The following TSPAN8 variants were observed in gnomAD, a reference collection of about 807,000 sequenced individuals.
TSPAN8 encodes tetraspanin-8.
TSPAN8 carries 21 observed loss-of-function variants against 32.8 expected under a neutral mutation model. That is an observed-to-expected ratio of 0.64 (90% CI 0.45 to 0.92). TSPAN8 has a LOEUF of 0.92. Ranked by LOEUF, TSPAN8 falls within the 40% of genes least tolerant of loss-of-function variation. The pLI, the probability that TSPAN8 is intolerant of heterozygous loss-of-function variation, is 0.00. For synonymous variants in TSPAN8, 95 were observed against 94.6 expected, an observed-to-expected ratio of 1.00 and a Z score of -0.03; for missense variants, 269 against 281.9, an observed-to-expected ratio of 0.95 and a Z score of 0.33.
At chr12:71,149,624 A>G (rs1872184624) in intron 2 of TSPAN8, among the ~76,000 whole-genome samples, 1 of 152,262 alleles carries the variant, frequency 6.6e-6, no homozygotes, top group South Asian at 2.1e-4. Flanking sequence ...ATAAATTGTG[A>G]AGATTTCATG....
intron 7 of TSPAN8, among the ~76,000 whole-genome samples, chr12:71,131,319 A>G (rs1453781466): frequency 6.6e-6 from 1 of 152,104 alleles, no homozygotes; most frequent in African/African-American, 2.4e-5. Context: ...GTAGTCTGGT[A>G]GATTATTTAT....
intron 3 of TSPAN8, among the ~76,000 whole-genome samples, chr12:71,141,127 G>A (rs906324676): frequency 8.5e-5 from 13 of 152,166 alleles, no homozygotes; most frequent in African/African-American, 3.1e-4. Context: ...TCCTGGAACA[G>A]TCACCCAACC....
intron 2 of TSPAN8, among the ~76,000 whole-genome samples, chr12:71,152,949 C>T (rs917765991): frequency 1.3e-5 from 2 of 152,218 alleles, no homozygotes; most frequent in African/African-American, 4.8e-5. Context: ...AGACTTCTTT[C>T]TGCGCTCTTC....
intron 2 of TSPAN8, among the ~76,000 whole-genome samples, chr12:71,150,359 TC>T (rs1872212725): frequency 6.6e-6 from 1 of 152,194 alleles, no homozygotes; most frequent in African/African-American, 2.4e-5. Context: ...TTGTCCTGTT[TC>T]CTCAGAAGCA....
chr12:71,152,862 T>G (rs1431442400), intron 2 of TSPAN8, among the ~76,000 whole-genome samples: 1 of 152,224 alleles, frequency 6.6e-6, no homozygotes, highest in Non-Finnish European at 1.5e-5. Flanking sequence ...ATCTTTTAAT[T>G]GCTCTCAGCA....
Position 71,132,807 on chromosome 12 carries a change from C to A in TSPAN8, c.462G>T (p.Leu154Phe). ...VFQEEFKCCG[L>F]VNGAADWGNN... Reference sequence around the variant, plus strand: ...TTCCCCAATCAGCAGCTCCATTGACCAAACCGCAGCATTTAAACTGTTTGA... The same window carrying A: ...TTCCCCAATCAGCAGCTCCATTGACAAAACCGCAGCATTTAAACTGTTTGA... The change falls in exon 7 of 9, where the codon TTG (leucine) becomes TTT (phenylalanine). Residue 154 changes from leucine (L) to phenylalanine (F), a missense_variant. Coordinates refer to ENST00000247829, the MANE Select transcript of TSPAN8 (RefSeq NM_004616.3). 6.2e-7 allele frequency: 1 copy of A among 1,613,834 alleles called. No homozygotes were observed. Among genetic ancestry groups the A allele is most frequent in the Non-Finnish European group, 8.5e-7 (1 of 1,179,928 alleles).
intron 6 of TSPAN8, among the ~76,000 whole-genome samples, chr12:71,135,375 G>A (rs1355176052): frequency 4.2e-5 from 6 of 144,334 alleles, no homozygotes; most frequent in Non-Finnish European, 6.1e-5. Context: ...GAAGAAGGAG[G>A]AGGAGGAGGA....
intron 3 of TSPAN8, among the ~76,000 whole-genome samples, chr12:71,140,751 G>T (rs561814723): frequency 2.4e-4 from 36 of 152,270 alleles, no homozygotes; most frequent in Non-Finnish European, 4.9e-4. Flanking sequence ...TTATCCAGAA[G>T]TAAATCACAA....
At chr12:71,126,981 T>G (rs10879261) in intron 8 of TSPAN8, among the ~76,000 whole-genome samples, 50,500 of 151,892 alleles carry the variant, frequency 0.33, 8,969 homozygotes, top group Non-Finnish European at 0.41. Context: ...AGTCTTAACA[T>G]AGCTTTGAAA....
At chr12:71,136,281 C>A (rs1871695223) in intron 6 of TSPAN8, among the ~76,000 whole-genome samples, 1 of 152,100 alleles carries the variant, frequency 6.6e-6, no homozygotes, top group Admixed American at 6.6e-5. Flanking sequence ...CCTAGGGAGG[C>A]AGATTTTGTT....
chr12:71,125,267 A>T lies in TSPAN8; in HGVS notation c.*67T>A. 1.4e-6 allele frequency: 2 copies of T among 1,440,310 alleles called. No individual in the cohort carries two copies. The highest frequency in any genetic ancestry group is 1.9e-6 in the Non-Finnish European group (2 of 1,043,274). 89.2% of individuals were successfully genotyped at this position (1,440,310 alleles called of 1,614,324 possible). A position where few individuals can be genotyped will look rare whatever the true frequency, so the allele number is the denominator to read the frequency against. ...TGACTTATATAGCACTTACATATTT[A>T]AATTTACAAAGCCAAAGCAACATTT... is the stretch of plus-strand genomic sequence containing the variant. On this transcript the variant is annotated 3_prime_UTR_variant, in exon 9 of 9. Transcript: ENST00000247829.
chr12:71,134,046 G>A (rs1055274465), intron 6 of TSPAN8, among the ~76,000 whole-genome samples: 18 of 152,116 alleles, frequency 1.2e-4, no homozygotes, highest in Non-Finnish European at 2.5e-4. Context: ...TAATAAATGT[G>A]TAATAAAATC....
intron 2 of TSPAN8, among the ~76,000 whole-genome samples, chr12:71,147,532 A>T (rs1872114790): frequency 1.3e-5 from 2 of 152,218 alleles, no homozygotes; most frequent in Admixed American, 6.5e-5. Context: ...TGTTTTTATG[A>T]TAAACACAGA....
intron 2 of TSPAN8, among the ~76,000 whole-genome samples, chr12:71,153,482 C>T (rs1415433027): frequency 1.3e-5 from 2 of 152,218 alleles, no homozygotes; most frequent in African/African-American, 4.8e-5. Flanking sequence ...TAAATGACCA[C>T]ATGCATATCT....
intron 8 of TSPAN8, among the ~76,000 whole-genome samples, chr12:71,126,073 G>A (rs980766920): frequency 5.3e-5 from 8 of 152,044 alleles, no homozygotes; most frequent in Non-Finnish European, 1.2e-4. Context: ...TATCTTTGAC[G>A]TAGAAATGAT....
chr12:71,137,944 T>C lies in TSPAN8; in HGVS notation c.444+9A>G, dbSNP rs1871756729. 4 of 1,606,728 alleles carry C rather than the reference T, an allele frequency of 2.5e-6. No individual in the cohort carries two copies. Among genetic ancestry groups the C allele is most frequent in the Non-Finnish European group, 3.4e-6 (4 of 1,176,830 alleles). On this transcript the variant is annotated intron_variant, in intron 6 of 8. Transcript: ENST00000247829. ...CAACTCTTTAAAATGAACAATGAATTCTAATTACCTCTTCTTGAAACACAA... is the reference window on the plus strand; with the variant it reads ...CAACTCTTTAAAATGAACAATGAATCCTAATTACCTCTTCTTGAAACACAA...
intron 2 of TSPAN8, among the ~76,000 whole-genome samples, chr12:71,155,375 A>AT (rs1259535392): frequency 2.0e-5 from 3 of 152,208 alleles, no homozygotes; most frequent in Admixed American, 6.5e-5. Context: ...TGAAAAAAAA[A>AT]GGACCTTGAA....
intron 2 of TSPAN8, among the ~76,000 whole-genome samples, chr12:71,145,195 T>C (rs533187015): frequency 4.1e-4 from 62 of 152,062 alleles, no homozygotes; most frequent in Non-Finnish European, 6.9e-4. Context: ...TGGCTTCTCA[T>C]TGAGTTTGCA....
At chr12:71,133,056 G>T (rs1414688854) in intron 6 of TSPAN8, among the ~76,000 whole-genome samples, 1 of 151,950 alleles carries the variant, frequency 6.6e-6, no homozygotes, top group African/African-American at 2.4e-5. Context: ...TGAAGAAGTT[G>T]GGAAGATGAA....
Sources: gnomAD v4.1 joint callset for allele counts (sites outside exome capture counted in the v4.1 genomes callset) on GRCh38, gnomAD v4.1.1 for gene constraint, MANE v1.5 for transcripts, NCBI Gene and HGNC (gene_info 2026-07-23, HGNC 2026-07-21) for gene names.